TRIM27: variants seen among roughly 807,000 people sequenced by gnomAD.
The protein encoded by TRIM27 is tripartite motif containing 27.
TRIM27 carries 12 observed loss-of-function variants against 57.6 expected under a neutral mutation model. That is an observed-to-expected ratio of 0.21 (90% CI 0.13 to 0.34). The LOEUF is 0.34. Ranked by LOEUF, TRIM27 falls within the 10% of genes least tolerant of loss-of-function variation. The pLI is 1.00. For synonymous variants in TRIM27, 266 were observed against 259.0 expected, an observed-to-expected ratio of 1.03 and a Z score of -0.26; for missense variants, 403 against 656.8, an observed-to-expected ratio of 0.61 and a Z score of 4.22.
intron 4 of TRIM27, among the ~76,000 whole-genome samples, chr6:28,910,358 C>T (rs944771942): frequency 2.0e-5 from 3 of 151,564 alleles, no homozygotes; most frequent in Non-Finnish European, 4.4e-5. Context: ...GAGAGGGAGT[C>T]AGGCTCTGTC....
At chr6:28,905,869 C>A (rs1448842598) in intron 7 of TRIM27, 1 of 152,192 alleles carries the variant, frequency 6.6e-6, no homozygotes, top group African/African-American at 2.4e-5. Flanking sequence ...CATGTCATCT[C>A]CTCTGGCATT....
chr6:28,919,643 G>C (rs115515338), intron 3 of TRIM27, among the ~76,000 whole-genome samples: 103 of 152,278 alleles, frequency 6.8e-4, no homozygotes, highest in African/African-American at 2.4e-3. Flanking sequence ...CAGGATACTG[G>C]AGTGAGGAGA....
At chr6:28,911,453 TG>T (rs1303619770) in intron 4 of TRIM27, 4 of 486,540 alleles carry the variant, frequency 8.2e-6, no homozygotes, top group Non-Finnish European at 1.4e-5. Context: ...ACCCTCTCCA[TG>T]GAAGTGTCCT....
At position 28,904,151 on chromosome 6, in the gene TRIM27, C is replaced by T; in HGVS notation, c.1461G>A (p.Leu487=). ...CTATCCCACTCATGGGGCAGATGATCAGAGGAGCTGCACTTTTCCCTCCCG... is the reference window on the plus strand; with the variant it reads ...CTATCCCACTCATGGGGCAGATGATTAGAGGAGCTGCACTTTTCCCTCCCG... ...SYSGGKSAAP[L]IICPMSGIDG... Residue 487 remains leucine (L), a synonymous_variant, in exon 8 of 8, where the codon CTG becomes CTA. Coordinates refer to ENST00000377199, the MANE Select transcript of TRIM27 (RefSeq NM_006510.5). This position sits in a 1 kb window ranked among gnomAD's most constrained non-coding sequence, Gnocchi z 6.1. 1.2e-6 allele frequency: 2 copies of T among 1,613,074 alleles called. No homozygotes were observed. The highest frequency in any genetic ancestry group is 1.7e-6 in the Non-Finnish European group (2 of 1,180,038).
At chr6:28,922,605 G>T (rs958938294) in intron 1 of TRIM27, among the ~76,000 whole-genome samples, 5 of 152,154 alleles carry the variant, frequency 3.3e-5, no homozygotes, top group Non-Finnish European at 5.9e-5. Flanking sequence ...TGTTTTATAT[G>T]TAATACTTTG....
chr6:28,923,949 A>T lies in TRIM27; in HGVS notation c.-317T>A. 2.7e-6 allele frequency: 1 copy of T among 365,866 alleles called. No individual in the cohort carries two copies. The highest frequency in any genetic ancestry group is 4.9e-6 in the Non-Finnish European group (1 of 204,576). 22.7% of individuals were successfully genotyped at this position (365,866 alleles called of 1,614,324 possible). The stretch of plus-strand genomic sequence containing the variant: ...GCCAGGCGGGCAAAGCGCGCAAGAC[A>T]ACGTGGCCGCGTCCGAGCGGATGCC... On this transcript the variant is annotated 5_prime_UTR_variant, in exon 1 of 8. Transcript: ENST00000377199.
intron 6 of TRIM27, 179 bp downstream of exon 6, chr6:28,908,629 C>T (rs1198194876): frequency 3.4e-6 from 2 of 587,374 alleles, no homozygotes; most frequent in Non-Finnish European, 5.9e-6. Flanking sequence ...TAACAAACTT[C>T]AAATTAGAAC....
At chr6:28,910,145 C>T (rs888275850) in intron 4 of TRIM27, among the ~76,000 whole-genome samples, 43 of 87,050 alleles carry the variant, frequency 4.9e-4, no homozygotes, top group Non-Finnish European at 9.8e-4. Context: ...AAAAAAAAAA[C>T]GAAGAAAAAA....
At chr6:28,908,936 A>C in intron 5 of TRIM27, 37 bp downstream of exon 5, 1 of 1,602,454 alleles carries the variant, frequency 6.2e-7, no homozygotes, top group Non-Finnish European at 8.5e-7. Flanking sequence ...ACTCAGTATA[A>C]ATCCATTTCC....
Position 28,923,306 on chromosome 6 carries a change from C to T in TRIM27, c.327G>A (p.Glu109=), listed in dbSNP as rs1195403092. 5.0e-6 allele frequency: 8 copies of T among 1,612,318 alleles called. No homozygotes were observed. Among genetic ancestry groups the T allele is most frequent in the Non-Finnish European group, 6.8e-6 (8 of 1,179,756 alleles). Residue 109 remains glutamate, a synonymous_variant, in exon 1 of 8, where the codon GAG becomes GAA. Transcript: ENST00000377199. ...ACACCACGCAGATGGGCATCTGGTC[C>T]TCCTCGCAGTACAGCTTCAGGGGCT... is the stretch of plus-strand genomic sequence containing the variant. ...HREPLKLYCE[E]DQMPICVVCD...
chr6:28,914,226 C>T (rs1773433125), intron 3 of TRIM27, among the ~76,000 whole-genome samples: 1 of 150,706 alleles, frequency 6.6e-6, no homozygotes, highest in South Asian at 2.1e-4. Context: ...ACTTCCACCT[C>T]CGGGTTCAAG....
At chr6:28,915,291 C>CT (rs1332849878) in intron 3 of TRIM27, 2 of 74,364 alleles carry the variant, frequency 2.7e-5, no homozygotes, top group Non-Finnish European at 5.2e-5. Context: ...AAAAAATATT[C>CT]TTAAAAAAAA....
chr6:28,904,920 A>C lies in TRIM27; in HGVS notation c.947-255T>G. The C allele has an allele frequency of 3.8e-6, 2 of 529,104 alleles. No homozygotes were observed. The highest frequency in any genetic ancestry group is 2.9e-5 in the South Asian group (1 of 34,844). 32.8% of individuals were successfully genotyped at this position (529,104 alleles called of 1,614,324 possible). On this transcript the variant is annotated intron_variant, in intron 7 of 7. Transcript: ENST00000377199. The surrounding 1 kb of genome is among the most constrained non-coding windows in gnomAD (Gnocchi z 6.1). ...TCTGAAGCCACAATATCCATCATGA[A>C]CTGATTTTAAGAGATAGGGTCTTGC...
chr6:28,904,677 C>T lies in TRIM27; in HGVS notation c.947-12G>A, dbSNP rs1368219322. 1 of 1,584,358 alleles carries T rather than the reference C, an allele frequency of 6.3e-7. No homozygotes were observed. The highest frequency in any genetic ancestry group is 8.5e-7 in the Non-Finnish European group (1 of 1,170,196). Reference sequence around the variant, plus strand: ...CAGAGTCACGTCCACTGTAGAGACACAAGGAAGACAGTCAGCCGTGGGCCA... The same window carrying T: ...CAGAGTCACGTCCACTGTAGAGACATAAGGAAGACAGTCAGCCGTGGGCCA... On this transcript the variant is annotated splice_polypyrimidine_tract_variant and intron_variant, in intron 7 of 7. Transcript: ENST00000377199. This position sits in a 1 kb window ranked among gnomAD's most constrained non-coding sequence, Gnocchi z 6.1.
chr6:28,910,882 T>A (rs967536649), intron 4 of TRIM27, among the ~76,000 whole-genome samples: 1 of 152,038 alleles, frequency 6.6e-6, no homozygotes, highest in Non-Finnish European at 1.5e-5. Flanking sequence ...CTCAATTCCA[T>A]CAACATGATT....
chr6:28,914,748 T>C (rs1465389202), intron 3 of TRIM27: 1 of 152,170 alleles, frequency 6.6e-6, no homozygotes, highest in Non-Finnish European at 1.5e-5. Context: ...TTGCTTTCCC[T>C]GTCTTATCAA....
chr6:28,907,585 C>T, intron 6 of TRIM27: 1 of 611,524 alleles, frequency 1.6e-6, no homozygotes, highest in African/African-American at 1.8e-5. Context: ...AACGCGGTTC[C>T]AACCCCACGT....
intron 2 of TRIM27, among the ~76,000 whole-genome samples, chr6:28,920,776 A>G (rs955771959): frequency 1.3e-5 from 2 of 152,098 alleles, no homozygotes; most frequent in Non-Finnish European, 2.9e-5. Context: ...TAAGGACTCT[A>G]TCCCAACTGG....
intron 4 of TRIM27, among the ~76,000 whole-genome samples, chr6:28,909,424 C>T (rs1773015343): frequency 6.6e-6 from 1 of 152,164 alleles, no homozygotes; most frequent in South Asian, 2.1e-4. Context: ...ATTCTTTTTC[C>T]CAATTCCATG....
Sources: allele counts gnomAD v4.1 joint callset (sites outside exome capture counted in the v4.1 genomes callset), GRCh38; gene constraint gnomAD v4.1.1; non-coding constraint Gnocchi (gnomAD v3.1); transcripts MANE v1.5; gene names NCBI Gene and HGNC (gene_info 2026-07-23, HGNC 2026-07-21).